Variants in SGMS1 observed in about 807,000 individuals in gnomAD.
SGMS1 encodes phosphatidylcholine:ceramide cholinephosphotransferase 1.
In SGMS1, 13 loss-of-function variants were observed where a neutral mutation model predicts 46.2. The observed-to-expected ratio is 0.28, with a 90% CI of 0.18 to 0.45. The LOEUF (loss-of-function observed/expected upper bound fraction) is 0.45, where lower values mean the gene tolerates loss of function less well. SGMS1 is among the 20% of genes least tolerant of loss of function. SGMS1 has a pLI of 1.00. For synonymous variants in SGMS1, 203 were observed against 187.8 expected (o/e 1.08, Z -0.66); for missense variants, 324 against 519.9 (o/e 0.62, Z 3.66).
At chr10:50,497,355 C>T (rs1262413229) in intron 3 of SGMS1, among the ~76,000 whole-genome samples, 2 of 152,222 alleles carry the variant, frequency 1.3e-5, no homozygotes, top group African/African-American at 2.4e-5. Context: ...TCAAGAATTA[C>T]AATCTATACA....
At chr10:50,615,792 T>C (rs1034793546) in intron 1 of SGMS1, among the ~76,000 whole-genome samples, 3 of 152,132 alleles carry the variant, frequency 2.0e-5, no homozygotes, top group African/African-American at 7.2e-5. Flanking sequence ...CCAAGCCAAA[T>C]CAAAACTTCA....
chr10:50,461,055 A>G (rs778871129), intron 4 of SGMS1, among the ~76,000 whole-genome samples: 1 of 152,148 alleles, frequency 6.6e-6, no homozygotes, highest in Non-Finnish European at 1.5e-5. Flanking sequence ...TATAATATAA[A>G]GCTTACTCCA....
At chr10:50,327,436 GA>G in intron 7 of SGMS1, 114 bp from the exon 8 acceptor site, 2 of 685,138 alleles carry the variant, frequency 2.9e-6, no homozygotes, top group Admixed American at 5.0e-5. Context: ...TTGAGAACTT[GA>G]AACCAGAATG....
intron 8 of SGMS1, among the ~76,000 whole-genome samples, chr10:50,320,470 C>A (rs1465339659): frequency 6.6e-6 from 1 of 152,226 alleles, no homozygotes; most frequent in Non-Finnish European, 1.5e-5. Flanking sequence ...TTCCCTCCTT[C>A]CCTCCCAAAT....
At chr10:50,568,675 A>C (rs1838311174) in intron 2 of SGMS1, among the ~76,000 whole-genome samples, 1 of 152,206 alleles carries the variant, frequency 6.6e-6, no homozygotes, top group Non-Finnish European at 1.5e-5. Flanking sequence ...CCCATATCAA[A>C]AAAAAGTAAA....
At chr10:50,476,768 G>A (rs1229961103) in intron 3 of SGMS1, among the ~76,000 whole-genome samples, 1 of 152,202 alleles carries the variant, frequency 6.6e-6, no homozygotes. Context: ...TAAGTCTCAG[G>A]CCACTGCTCC....
At chr10:50,514,447 G>A (rs1371653513) in intron 3 of SGMS1, among the ~76,000 whole-genome samples, 2 of 152,148 alleles carry the variant, frequency 1.3e-5, no homozygotes, top group African/African-American at 4.8e-5. Flanking sequence ...TAACCCAGCA[G>A]TGCTAAAAGT....
Position 50,306,893 on chromosome 10 carries a change from G to A in SGMS1, c.*249C>T. The A allele has an allele frequency of 5.7e-6, 2 of 351,616 alleles. No homozygotes were observed. The highest frequency in any genetic ancestry group is 4.3e-5 in the East Asian group (1 of 23,008). 21.8% of individuals were successfully genotyped at this position (351,616 alleles called of 1,614,324 possible). The stretch of plus-strand genomic sequence containing the variant: ...AAGGAACATGGTGGTTGCGGGTTAT[G>A]TAAATCCCAAACTTATGAACAGGAA... On this transcript the variant is annotated 3_prime_UTR_variant, in exon 11 of 11. Transcript: ENST00000361781.
intron 7 of SGMS1, among the ~76,000 whole-genome samples, chr10:50,332,566 A>G (rs920632572): frequency 1.4e-5 from 2 of 144,328 alleles, no homozygotes; most frequent in African/African-American, 5.2e-5. Context: ...CTCCCCTCAT[A>G]GCTTTCTTCA....
intron 6 of SGMS1, among the ~76,000 whole-genome samples, chr10:50,381,049 G>T (rs1345601511): frequency 6.9e-6 from 1 of 144,332 alleles, no homozygotes; most frequent in Non-Finnish European, 1.5e-5. Flanking sequence ...GGCTACTCTT[G>T]AACTCCTGCA....
chr10:50,452,549 G>A (rs1203382), intron 5 of SGMS1, among the ~76,000 whole-genome samples: 32,727 of 152,002 alleles, frequency 0.22, 3,731 homozygotes, highest in Non-Finnish European at 0.25. Context: ...CGCCAATGAG[G>A]TGACAATAAA....
chr10:50,437,354 G>A (rs918649914), intron 5 of SGMS1, among the ~76,000 whole-genome samples: 1 of 152,232 alleles, frequency 6.6e-6, no homozygotes, highest in African/African-American at 2.4e-5. Flanking sequence ...GCAGTATTCA[G>A]AGGCTTCTTG....
intron 3 of SGMS1, among the ~76,000 whole-genome samples, chr10:50,500,241 T>C (rs1837651236): frequency 6.6e-6 from 1 of 152,178 alleles, no homozygotes. Context: ...ATCTTTAACT[T>C]GGAATTTTTA....
intron 2 of SGMS1, among the ~76,000 whole-genome samples, chr10:50,523,162 C>G (rs916499462): frequency 6.6e-6 from 1 of 152,172 alleles, no homozygotes; most frequent in Non-Finnish European, 1.5e-5. Flanking sequence ...AGATAGTAGT[C>G]CTTTTTTCTA....
At position 50,343,721 on chromosome 10, in the gene SGMS1, A is replaced by G. The variant is rs759632290; in HGVS notation, c.394T>C (p.Trp132Arg). Residue 132 changes from tryptophan (W) to arginine (R), a missense_variant, in exon 7 of 11, where the codon TGG (tryptophan) becomes CGG (arginine). Coordinates refer to ENST00000361781, the MANE Select transcript of SGMS1 (RefSeq NM_147156.4). ...ELERSQYPME[W>R]GKTFLAFLYA... ...AGAAAGGCCAGAAAAGTCTTGCCCC[A>G]CTCCATGGGGTACTGAGAGCGCTCC... The G allele has an allele frequency of 2.5e-6, 4 of 1,613,934 alleles. No homozygotes were observed. Among genetic ancestry groups the G allele is most frequent in the Non-Finnish European group, 3.4e-6 (4 of 1,179,954 alleles).
At chr10:50,461,614 C>T (rs559168094) in intron 4 of SGMS1, among the ~76,000 whole-genome samples, 1 of 152,248 alleles carries the variant, frequency 6.6e-6, no homozygotes, top group South Asian at 2.1e-4. Context: ...CTGATGAAAA[C>T]TAAGCCTGTT....
At chr10:50,406,424 T>C (rs190756101) in intron 6 of SGMS1, among the ~76,000 whole-genome samples, 1 of 152,280 alleles carries the variant, frequency 6.6e-6, no homozygotes, top group East Asian at 1.9e-4. Flanking sequence ...CCATGAAGGA[T>C]GGATTTTCAG....
At chr10:50,535,248 AACT>A (rs1431186691) in intron 2 of SGMS1, among the ~76,000 whole-genome samples, 1 of 151,444 alleles carries the variant, frequency 6.6e-6, no homozygotes, top group East Asian at 1.9e-4. Context: ...CAACAACAAC[AACT>A]ATCATCTTAA....
chr10:50,447,474 T>C (rs1837035998), intron 5 of SGMS1, among the ~76,000 whole-genome samples: 1 of 152,194 alleles, frequency 6.6e-6, no homozygotes, highest in African/African-American at 2.4e-5. Context: ...TACTGATAAA[T>C]ATTATGTAAG....
Sources: gnomAD v4.1 joint callset for allele counts (sites outside exome capture counted in the v4.1 genomes callset) on GRCh38, gnomAD v4.1.1 for gene constraint, MANE v1.5 for transcripts, NCBI Gene and HGNC (gene_info 2026-07-23, HGNC 2026-07-21) for gene names.